EXOC4: variants seen among roughly 807,000 people sequenced by gnomAD.
EXOC4 encodes exocyst complex component 4, also known as SEC8-like 1.
EXOC4 carries 71 observed loss-of-function variants against 107.2 expected under a neutral mutation model. That is an observed-to-expected ratio of 0.66 (90% CI 0.55 to 0.81). The LOEUF (loss-of-function observed/expected upper bound fraction) is 0.81, where lower values mean the gene tolerates loss of function less well. Among genes scored for constraint, EXOC4 ranks in the 30% least tolerant of loss-of-function variants. The pLI is 0.00. For synonymous variants in EXOC4, 456 were observed against 441.2 expected, an observed-to-expected ratio of 1.03 and a Z score of -0.42; for missense variants, 1,108 against 1,189.6, an observed-to-expected ratio of 0.93 and a Z score of 1.01.
intron 6 of EXOC4, among the ~76,000 whole-genome samples, chr7:133,364,751 G>A (rs1796213877): frequency 1.3e-5 from 2 of 152,148 alleles, no homozygotes; most frequent in Admixed American, 1.3e-4. Flanking sequence ...AAAGCCATCT[G>A]CCATCTGGTA....
Position 134,007,781 on chromosome 7 carries a change from A to G in EXOC4, c.2633A>G (p.Gln878Arg), listed in dbSNP as rs1303333431. 1 of 1,613,680 alleles carries G rather than the reference A, an allele frequency of 6.2e-7. No individual in the cohort carries two copies. The highest frequency in any genetic ancestry group is 8.5e-7 in the Non-Finnish European group (1 of 1,179,754). ...KKMCRNIFVL[Q>R]QNLTNITMSR... ...ATGTGTAGGAACATTTTTGTTCTTC[A>G]GCAGAATTTGACCAACATCACCATG... is the stretch of plus-strand genomic sequence containing the variant. Residue 878 changes from glutamine (Q) to arginine (R), a missense_variant, in exon 17 of 18, where the codon CAG (glutamine) becomes CGG (arginine). Gln to Arg is a conservative substitution (Grantham distance 43). Coordinates refer to ENST00000253861, the MANE Select transcript of EXOC4 (RefSeq NM_021807.4).
chr7:133,906,150 C>G (rs956042905), intron 12 of EXOC4, among the ~76,000 whole-genome samples: 23 of 152,142 alleles, frequency 1.5e-4, no homozygotes, highest in Non-Finnish European at 2.5e-4. Flanking sequence ...CTCACTGGCC[C>G]CACTGTGCTA....
chr7:133,547,509 GC>G (rs1800504806), intron 9 of EXOC4, among the ~76,000 whole-genome samples: 2 of 152,194 alleles, frequency 1.3e-5, no homozygotes, highest in South Asian at 4.1e-4. Context: ...TTTCTCTGTA[GC>G]ATGCCATGCT....
intron 7 of EXOC4, among the ~76,000 whole-genome samples, chr7:133,375,247 G>A (rs1189326723): frequency 6.6e-6 from 1 of 152,170 alleles, no homozygotes; most frequent in African/African-American, 2.4e-5. Context: ...AGGCCAAGGC[G>A]GGTGGATCAC....
intron 3 of EXOC4, among the ~76,000 whole-genome samples, chr7:133,298,160 C>A (rs1393725133): frequency 1.3e-5 from 2 of 152,126 alleles, no homozygotes; most frequent in African/African-American, 4.8e-5. Flanking sequence ...TGAGATTCAT[C>A]CCAATACTAA....
intron 9 of EXOC4, among the ~76,000 whole-genome samples, chr7:133,573,278 G>A (rs538503100): frequency 6.6e-6 from 1 of 152,330 alleles, no homozygotes; most frequent in Non-Finnish European, 1.5e-5. Context: ...GCAAAACTTA[G>A]TTCTGGAGAG....
At chr7:134,065,773 A>G (rs554905783), downstream of EXOC4, 1 of 152,250 alleles carries the variant, frequency 6.6e-6, no homozygotes, top group South Asian at 2.1e-4. Context: ...GTTTCATGTT[A>G]TTTTTCTTGT....
chr7:133,331,551 G>A (rs1795392300), intron 5 of EXOC4, among the ~76,000 whole-genome samples: 1 of 133,068 alleles, frequency 7.5e-6, no homozygotes, highest in South Asian at 2.4e-4. Context: ...TGCAGGCTCC[G>A]CCCCCTGGGG....
intron 4 of EXOC4, among the ~76,000 whole-genome samples, chr7:133,310,491 A>G (rs1355154604): frequency 6.6e-6 from 1 of 152,244 alleles, no homozygotes; most frequent in Admixed American, 6.5e-5. Context: ...TTGATTGCAA[A>G]TAGAGGAAAT....
At chr7:133,266,465 C>T (rs1793732816) in intron 1 of EXOC4, among the ~76,000 whole-genome samples, 1 of 152,204 alleles carries the variant, frequency 6.6e-6, no homozygotes, top group Non-Finnish European at 1.5e-5. Context: ...GAGAATCTCT[C>T]ATCACCTACA....
intron 11 of EXOC4, among the ~76,000 whole-genome samples, chr7:133,834,924 A>G (rs1390404051): frequency 6.6e-6 from 1 of 152,072 alleles, no homozygotes; most frequent in Non-Finnish European, 1.5e-5. Context: ...CACTGTACTC[A>G]TGATAGTGAA....
chr7:133,693,664 T>TA (rs1367673997), intron 10 of EXOC4, among the ~76,000 whole-genome samples: 4 of 151,920 alleles, frequency 2.6e-5, no homozygotes, highest in South Asian at 2.1e-4. Context: ...TTTAAATCAA[T>TA]AAAAAAAATA....
intron 9 of EXOC4, among the ~76,000 whole-genome samples, chr7:133,562,064 T>G (rs1007574987): frequency 2.0e-5 from 3 of 152,240 alleles, no homozygotes; most frequent in African/African-American, 4.8e-5. Flanking sequence ...AGCTCTTGTT[T>G]ATGTCAGTTA....
At chr7:133,344,452 G>A (rs943416138) in intron 5 of EXOC4, among the ~76,000 whole-genome samples, 1 of 152,022 alleles carries the variant, frequency 6.6e-6, no homozygotes, top group Non-Finnish European at 1.5e-5. Flanking sequence ...TAGCTCATTG[G>A]CTCCCTCTTC....
chr7:133,906,559 C>G (rs1799569992), intron 12 of EXOC4, among the ~76,000 whole-genome samples: 1 of 152,214 alleles, frequency 6.6e-6, no homozygotes, highest in Non-Finnish European at 1.5e-5. Context: ...GGCATTCGAG[C>G]CGGCAACGGC....
intron 9 of EXOC4, among the ~76,000 whole-genome samples, chr7:133,571,024 C>T (rs1334369169): frequency 6.6e-6 from 1 of 152,144 alleles, no homozygotes; most frequent in Non-Finnish European, 1.5e-5. Context: ...CCTTATCTTC[C>T]GTGACAGTGG....
chr7:133,527,401 T>C (rs1010873835), intron 9 of EXOC4, among the ~76,000 whole-genome samples: 40 of 151,936 alleles, frequency 2.6e-4, no homozygotes, highest in Non-Finnish European at 1.5e-5. Context: ...TGAAATTCCA[T>C]CTCCAAAAAA....
intron 9 of EXOC4, among the ~76,000 whole-genome samples, chr7:133,598,886 A>C (rs556753101): frequency 2.1e-3 from 315 of 152,280 alleles, no homozygotes; most frequent in African/African-American, 7.3e-3. Flanking sequence ...CTGGAGGCTG[A>C]GGCAGGATAA....
chr7:134,082,275 G>T, the EXOC4 span, among the ~76,000 whole-genome samples: 1 of 152,060 alleles, frequency 6.6e-6, no homozygotes, highest in Non-Finnish European at 1.5e-5. Context: ...GAGAACTGAG[G>T]GTTACTCCCC....
Sources: gnomAD v4.1 joint callset for allele counts (sites outside exome capture counted in the v4.1 genomes callset) on GRCh38, gnomAD v4.1.1 for gene constraint, MANE v1.5 for transcripts, NCBI Gene and HGNC (gene_info 2026-07-23, HGNC 2026-07-21) for gene names.